The following PCGF2 variants were observed in gnomAD, a reference collection of about 807,000 sequenced individuals.
The protein encoded by PCGF2 is polycomb group RING finger protein 2.
A neutral mutation model predicts 36.1 loss-of-function variants in PCGF2; 8 were observed. The observed-to-expected ratio is 0.22, with a 90% CI of 0.13 to 0.40. The LOEUF is 0.40. Ranked by LOEUF, PCGF2 falls within the 10% of genes least tolerant of loss-of-function variation. PCGF2 has a pLI of 1.00. For missense variants in PCGF2, 436 were observed against 475.9 expected (o/e 0.92, Z 0.78); for synonymous variants, 198 against 191.2 (o/e 1.04, Z -0.29).
intron 2 of PCGF2, among the ~76,000 whole-genome samples, chr17:38,745,356 A>G (rs918550227): frequency 2.0e-5 from 3 of 151,964 alleles, no homozygotes; most frequent in Admixed American, 2.0e-4. Context: ...AAATACAAAA[A>G]TTAGCGGAGC....
chr17:38,736,079 C>A lies in PCGF2; in HGVS notation c.657+11G>T. 1 of 1,560,078 alleles carries A rather than the reference C, an allele frequency of 6.4e-7. No individual in the cohort carries two copies. ...GAGTCTGCTCCCTGCCCGCCCCACT[C>A]GCTGGCTCACCCGCCGCCAGGGGTA... On this transcript the variant is annotated intron_variant, in intron 10 of 10. Coordinates refer to ENST00000620225, the MANE Select transcript of PCGF2 (RefSeq NM_007144.3).
chr17:38,738,992 G>A, intron 6 of PCGF2, 76 bp downstream of exon 6: 1 of 1,568,418 alleles, frequency 6.4e-7, no homozygotes, highest in East Asian at 2.2e-5. Flanking sequence ...GAGGTCAGAG[G>A]GTGAGGGGTA....
At chr17:38,740,172 A>C (rs1372786845) in intron 3 of PCGF2, 119 bp downstream of exon 3, 2 of 826,200 alleles carry the variant, frequency 2.4e-6, no homozygotes, top group Non-Finnish European at 3.9e-6. Flanking sequence ...CCCAGCAGAC[A>C]CGTGGGCGCG....
chr17:38,743,456 C>T (rs1907334239), intron 2 of PCGF2, among the ~76,000 whole-genome samples: 1 of 152,014 alleles, frequency 6.6e-6, no homozygotes, highest in African/African-American at 2.4e-5. Context: ...GTACCCCTCA[C>T]CCAGTCACTT....
chr17:38,746,969 AGAG>A (rs1199012491), intron 2 of PCGF2, among the ~76,000 whole-genome samples: 1 of 152,170 alleles, frequency 6.6e-6, no homozygotes, highest in Non-Finnish European at 1.5e-5. Context: ...CAGAGGTCCC[AGAG>A]GAGGAGGCAT....
chr17:38,738,973 T>C, intron 6 of PCGF2, 95 bp downstream of exon 6: 2 of 1,539,434 alleles, frequency 1.3e-6, no homozygotes, highest in Non-Finnish European at 9.0e-7. Context: ...TGGAGAGGTG[T>C]GCGCGGAGGA....
intron 2 of PCGF2, among the ~76,000 whole-genome samples, chr17:38,745,148 T>C (rs939222972): frequency 1.3e-5 from 2 of 152,146 alleles, no homozygotes; most frequent in Non-Finnish European, 2.9e-5. Context: ...CTGGCTAACA[T>C]GGTGAAACCC....
intron 6 of PCGF2, 83 bp from the exon 7 acceptor site, chr17:38,738,944 G>A (rs1046420361): frequency 3.3e-5 from 51 of 1,533,996 alleles, no homozygotes; most frequent in Middle Eastern, 2.2e-4. Flanking sequence ...AACTCAGCCA[G>A]GTGAGCCCAG....
At chr17:38,736,742 G>A (rs1437169037) in intron 9 of PCGF2, among the ~76,000 whole-genome samples, 2 of 152,104 alleles carry the variant, frequency 1.3e-5, no homozygotes, top group East Asian at 1.9e-4. Flanking sequence ...GCTGAGGCAG[G>A]AGAATGGCGT....
At chr17:38,745,061 G>A (rs934304113) in intron 2 of PCGF2, among the ~76,000 whole-genome samples, 9 of 152,104 alleles carry the variant, frequency 5.9e-5, no homozygotes, top group African/African-American at 2.2e-4. Context: ...AAAAATACAT[G>A]GTGGCTCACG....
At position 38,739,970 on chromosome 17, in the gene PCGF2, G is replaced by C. The variant is rs932157993; in HGVS notation, c.113-288C>G. ...GGACAAAAGCCAGCGTGTTCAAGAT[G>C]CCTCTGAGTCCCACCCCCCTGCTGC... is the stretch of plus-strand genomic sequence containing the variant. On this transcript the variant is annotated intron_variant, in intron 3 of 10. Transcript: ENST00000620225. This position sits in a 1 kb window ranked among gnomAD's most constrained non-coding sequence, Gnocchi z 4.0. 5.9e-5 allele frequency among the ~76,000 whole-genome samples: 9 copies of C among 152,152 alleles called. No homozygotes were observed. The highest frequency in any genetic ancestry group is 2.2e-4 in the African/African-American group (9 of 41,424).
At chr17:38,736,311 T>A in intron 9 of PCGF2, 141 bp from the exon 10 acceptor site, 1 of 664,448 alleles carries the variant, frequency 1.5e-6, no homozygotes, top group Non-Finnish European at 2.7e-6. Flanking sequence ...CACTGTGGAT[T>A]TGACTTCCCT....
Position 38,739,263 on chromosome 17 carries a change from A to G in PCGF2, c.210-10T>C, listed in dbSNP as rs146768937. 7.0e-4 allele frequency: 1,132 copies of G among 1,613,214 alleles called. 8 individuals carry two copies. The African/African-American group carries it at 0.012, about 18-fold the overall frequency. On this transcript the variant is annotated splice_polypyrimidine_tract_variant and intron_variant, in intron 4 of 10. Coordinates refer to ENST00000620225, the MANE Select transcript of PCGF2 (RefSeq NM_007144.3). The surrounding 1 kb of genome is among the most constrained non-coding windows in gnomAD (Gnocchi z 4.0). ...AAGTGTTTTGTCAGACCTGGGGAAA[A>G]ATGGACAGGGCTTATCAGCAATGCC...
chr17:38,741,111 G>T (rs973184713), intron 2 of PCGF2, among the ~76,000 whole-genome samples: 1 of 151,890 alleles, frequency 6.6e-6, no homozygotes, highest in Non-Finnish European at 1.5e-5. Context: ...TCCCAAGTCG[G>T]GCACAGTGGC....
chr17:38,736,833 C>A (rs917303294), intron 9 of PCGF2, among the ~76,000 whole-genome samples: 18 of 149,768 alleles, frequency 1.2e-4, no homozygotes, highest in Non-Finnish European at 2.5e-4. Context: ...GACTCCGTCT[C>A]AAAAAAAACA....
intron 9 of PCGF2, 54 bp from the exon 10 acceptor site, chr17:38,736,224 C>G (rs1269821457): frequency 3.9e-5 from 46 of 1,184,106 alleles, no homozygotes; most frequent in South Asian, 6.5e-5. Flanking sequence ...GGGCTCCAGG[C>G]TGGGAATGTG....
intron 2 of PCGF2, among the ~76,000 whole-genome samples, chr17:38,747,334 G>A (rs1325999275): frequency 6.6e-6 from 1 of 152,150 alleles, no homozygotes; most frequent in Non-Finnish European, 1.5e-5. Flanking sequence ...CAGGGGAAGG[G>A]GGGCCAGTTT....
chr17:38,736,222 G>A (rs977287474), intron 9 of PCGF2, 52 bp from the exon 10 acceptor site: 3 of 1,200,290 alleles, frequency 2.5e-6, no homozygotes, highest in Non-Finnish European at 3.6e-6. Flanking sequence ...CGGGGCTCCA[G>A]GCTGGGAATG....
At chr17:38,746,406 C>A (rs112131809) in intron 2 of PCGF2, 2,125 of 153,022 alleles carry the variant, frequency 0.014, 52 homozygotes, top group African/African-American at 0.048. Flanking sequence ...ATCCACCCCC[C>A]ACCTAGAAGC....
Sources: gnomAD v4.1 joint callset for allele counts (sites outside exome capture counted in the v4.1 genomes callset) on GRCh38, gnomAD v4.1.1 for gene constraint, Gnocchi (gnomAD v3.1) non-coding constraint, MANE v1.5 for transcripts, NCBI Gene and HGNC (gene_info 2026-07-23, HGNC 2026-07-21) for gene names.